Variants in PDXDC1 observed in about 807,000 individuals in gnomAD.
PDXDC1 encodes the protein pyridoxal dependent decarboxylase domain containing 1.
A neutral mutation model predicts 100.1 loss-of-function variants in PDXDC1; 42 were observed. That is an observed-to-expected ratio of 0.42 (90% CI 0.33 to 0.54). The LOEUF is 0.54. PDXDC1 is among the 20% of genes least tolerant of loss of function. The pLI, the probability that PDXDC1 is intolerant of heterozygous loss-of-function variation, is 0.10. For synonymous variants in PDXDC1, 260 were observed against 371.7 expected, an observed-to-expected ratio of 0.70 and a Z score of 3.46; for missense variants, 636 against 979.2, an observed-to-expected ratio of 0.65 and a Z score of 4.68.
At chr16:15,084,852 G>C (rs2045854902) in intron 16 of PDXDC1, 1 of 659,650 alleles carries the variant, frequency 1.5e-6, no homozygotes, top group Non-Finnish European at 2.8e-6. Context: ...GATCACCTGA[G>C]GTCAGGAGTT....
intron 16 of PDXDC1, chr16:15,076,778 A>G: frequency 1.5e-6 from 1 of 657,574 alleles, no homozygotes; most frequent in South Asian, 1.8e-5. Flanking sequence ...ATCACACCCC[A>G]ACACAATACA....
chr16:15,047,593 G>A (rs559994849), intron 16 of PDXDC1: 12 of 1,381,488 alleles, frequency 8.7e-6, no homozygotes, highest in Admixed American at 3.4e-5. Flanking sequence ...TCCCTGATGC[G>A]AGTGCAGTGC....
intron 16 of PDXDC1, among the ~76,000 whole-genome samples, chr16:15,050,977 G>A (rs2044269831): frequency 6.6e-6 from 1 of 152,224 alleles, no homozygotes; most frequent in Non-Finnish European, 1.5e-5. Context: ...AGGTGTGACT[G>A]CTCTAAAACT....
In PDXDC1 at chr16:15,031,859, T is replaced by C; in HGVS notation, c.1524T>C (p.Gly508=). ...EFKQEVEATA[G]LLYVDDPNWS... ...AGCAGGAAGTGGAAGCAACAGCAGG[T>C]CTCCTATATGTTGATGACCCTAACT... Residue 508 remains glycine (G), a synonymous_variant, in exon 17 of 23, where the codon GGT becomes GGC. Transcript: ENST00000396410. The C allele has an allele frequency of 6.2e-7, 1 of 1,613,938 alleles. No individual in the cohort carries two copies. The highest frequency in any genetic ancestry group is 8.5e-7 in the Non-Finnish European group (1 of 1,179,914).
chr16:15,033,033 C>G (rs12926897), intron 18 of PDXDC1, 54 bp downstream of exon 18: 1 of 1,177,244 alleles, frequency 8.5e-7, no homozygotes, highest in Non-Finnish European at 1.3e-6. Flanking sequence ...ACTTGGTAAC[C>G]GGCTTTGAAG....
Position 15,074,950 on chromosome 16 carries a change from T to G in PDXDC1, c.1399+44894T>G. 13 of 1,302,236 alleles carry G rather than the reference T, an allele frequency of 1.0e-5. No homozygotes were observed. In the South Asian group the frequency reaches 1.9e-4, roughly 19 times the overall value. The allele number at this position is 1,302,236 out of a possible 1,614,324, so 80.7% of individuals were successfully genotyped here. ...AACTGTCATAAGTGATTATTTCCCT[T>G]AAAAGATAAAACAAAGAGGCTGGGG... On this transcript the variant is annotated intron_variant, in intron 16 of 16. Transcript: ENST00000535621.
intron 12 of PDXDC1, among the ~76,000 whole-genome samples, chr16:15,020,975 A>AACACACAC (rs66850292): frequency 0.018 from 2,583 of 145,294 alleles, no homozygotes; most frequent in Non-Finnish European, 0.022. Flanking sequence ...GCACCATCTA[A>AACACACAC]ACACACACAC....
chr16:15,093,443 G>A (rs929176628), intron 16 of PDXDC1, among the ~76,000 whole-genome samples: 2 of 152,066 alleles, frequency 1.3e-5, no homozygotes, highest in Admixed American at 1.3e-4. Context: ...TTTATTTATT[G>A]GCCTATGTAC....
At position 15,104,890 on chromosome 16, in the gene PDXDC1, T is replaced by C. The variant is rs919267600; in HGVS notation, c.1400-33989T>C. ...CCTTTCCATCCTCCAGGTTTCAAAA[T>C]AGCAGTATCAGTGTCATATCACCCT... On this transcript the variant is annotated intron_variant, in intron 16 of 16. Coordinates refer to the PDXDC1 transcript ENST00000535621. 3.3e-6 allele frequency: 5 copies of C among 1,530,088 alleles called. No homozygotes were observed. In the African/African-American group the frequency reaches 6.8e-5, roughly 21 times the overall value. 94.8% of individuals were successfully genotyped at this position (1,530,088 alleles called of 1,614,324 possible).
At chr16:15,104,196 T>A (rs1216516585) in intron 16 of PDXDC1, 56 of 922,176 alleles carry the variant, frequency 6.1e-5, no homozygotes, top group African/African-American at 8.5e-5. Flanking sequence ...AATAATAATA[T>A]TTTACATAAC....
chr16:15,095,085 G>A (rs1201636474), intron 16 of PDXDC1, among the ~76,000 whole-genome samples: 1 of 152,036 alleles, frequency 6.6e-6, no homozygotes, highest in Non-Finnish European at 1.5e-5. Flanking sequence ...TCATCCGCCC[G>A]CCTCGGCCTC....
the PDXDC1 span, among the ~76,000 whole-genome samples, chr16:15,151,973 A>AGGGTC: frequency 1.0e-5 from 1 of 98,564 alleles, no homozygotes; most frequent in Admixed American, 1.2e-4. Flanking sequence ...CAGGAGGGGA[A>AGGGTC]GGGTCGGGGC....
intron 16 of PDXDC1, chr16:15,104,733 C>G (rs113675370): frequency 1.1e-4 from 170 of 1,589,926 alleles, no homozygotes; most frequent in Non-Finnish European, 1.4e-4. Flanking sequence ...TGAAGAATGA[C>G]GATGCTCCGC....
intron 16 of PDXDC1, among the ~76,000 whole-genome samples, chr16:15,113,222 G>GA (rs766580023): frequency 1.0e-3 from 5 of 4,884 alleles, no homozygotes; most frequent in Admixed American, 5.3e-3. Context: ...GGTGAGAAAA[G>GA]AAAAAAAAAA....
intron 16 of PDXDC1, among the ~76,000 whole-genome samples, chr16:15,082,062 G>A (rs530820490): frequency 2.6e-5 from 4 of 152,314 alleles, no homozygotes; most frequent in Non-Finnish European, 5.9e-5. Flanking sequence ...GCAAAAGAGA[G>A]TTTACGCCTT....
intron 17 of PDXDC1, 87 bp downstream of exon 17, chr16:15,031,993 C>A: frequency 1.7e-6 from 2 of 1,163,308 alleles, no homozygotes; most frequent in South Asian, 1.4e-5. Flanking sequence ...CTTAGAAATC[C>A]AAGATGAACG....
Position 15,088,122 on chromosome 16 carries a change from GA to G in PDXDC1, c.1400-50746del, listed in dbSNP as rs1175498646. 1.8e-4 allele frequency among the ~76,000 whole-genome samples: 25 copies of G among 141,434 alleles called. 1 individual carries two copies. The highest frequency in any genetic ancestry group is 1.5e-3 in the South Asian group (7 of 4,518). The allele number at this position is 141,434 out of a possible 152,430, so 92.8% of individuals were successfully genotyped here. A position where few individuals can be genotyped will look rare whatever the true frequency, so the allele number is the denominator to read the frequency against. On this transcript the variant is annotated intron_variant, in intron 16 of 16. Transcript: ENST00000535621. ...CAAGAGCAAAACTCCGTCTCAAAAAGAAAAAAAAAAAGTAAATCAGTTGCAG... is the reference window on the plus strand; with the variant it reads ...CAAGAGCAAAACTCCGTCTCAAAAAGAAAAAAAAAAGTAAATCAGTTGCAG...
intron 11 of PDXDC1, among the ~76,000 whole-genome samples, chr16:15,018,291 C>G (rs1341223746): frequency 2.0e-4 from 30 of 152,200 alleles, no homozygotes; most frequent in Admixed American, 2.0e-3. Flanking sequence ...AGCCTGTAGT[C>G]CCAGCTACTC....
intron 16 of PDXDC1, chr16:15,125,463 C>G: frequency 4.4e-6 from 4 of 900,424 alleles, no homozygotes; most frequent in Non-Finnish European, 7.5e-6. Context: ...GCCACAGACA[C>G]CCAGCAAGGA....
Sources: gnomAD v4.1 joint callset for allele counts (sites outside exome capture counted in the v4.1 genomes callset) on GRCh38, gnomAD v4.1.1 for gene constraint, MANE v1.5 for transcripts, NCBI Gene and HGNC (gene_info 2026-07-23, HGNC 2026-07-21) for gene names.